The following KDELR1 variants were observed in gnomAD, a reference collection of about 807,000 sequenced individuals.
KDELR1 encodes KDEL endoplasmic reticulum protein retention receptor 1.
Under a neutral mutation model 25.5 loss-of-function variants are expected in KDELR1, and 16 were observed. The ratio of observed to expected loss-of-function variants is 0.63; its 90% CI spans 0.43 to 0.95. The LOEUF (loss-of-function observed/expected upper bound fraction) is 0.95, where lower values mean the gene tolerates loss of function less well. KDELR1 is among the 40% of genes least tolerant of loss of function. The pLI is 0.00. For missense variants in KDELR1, 159 were observed against 265.2 expected (o/e 0.60, Z 2.78); for synonymous variants, 121 against 115.0 (o/e 1.05, Z -0.33).
At position 48,384,542 on chromosome 19, in the gene KDELR1, G is replaced by A. The variant is rs1970480200; in HGVS notation, c.352-60C>T. On this transcript the variant is annotated intron_variant, in intron 3 of 4. Transcript: ENST00000330720. The surrounding 1 kb of genome is among the most constrained non-coding windows in gnomAD (Gnocchi z 4.6). ...GGGACAGGGCGGGAGAAAAGGCAGA[G>A]GACAACATTGCAGTTACAGGTGCCG... 2 of 1,563,324 alleles carry A rather than the reference G, an allele frequency of 1.3e-6. No individual in the cohort carries two copies. The highest frequency in any genetic ancestry group is 1.3e-5 in the African/African-American group (1 of 74,198).
intron 3 of KDELR1, among the ~76,000 whole-genome samples, chr19:48,385,084 G>A (rs1324501892): frequency 6.6e-6 from 1 of 151,988 alleles, no homozygotes; most frequent in Non-Finnish European, 1.5e-5. Context: ...ACAGGGTTTT[G>A]CCTTGTTGGC....
upstream of KDELR1, among the ~76,000 whole-genome samples, chr19:48,394,472 G>C (rs1395291633): frequency 6.7e-6 from 1 of 149,908 alleles, no homozygotes; most frequent in Admixed American, 6.7e-5. This position sits in a 1 kb window ranked among gnomAD's most constrained non-coding sequence, Gnocchi z 5.1. Flanking sequence ...GGGGGGCTGA[G>C]GGCACAAAGC....
At chr19:48,386,690 C>T (rs149888003) in intron 3 of KDELR1, among the ~76,000 whole-genome samples, 2,291 of 150,020 alleles carry the variant, frequency 0.015, 37 homozygotes, top group Middle Eastern at 0.059. Context: ...TCGTGATCCA[C>T]GATCCACCTG....
upstream of KDELR1, among the ~76,000 whole-genome samples, chr19:48,392,979 C>T (rs991231103): frequency 2.0e-5 from 3 of 152,202 alleles, no homozygotes; most frequent in East Asian, 1.9e-4. Flanking sequence ...GCTTCCCTTC[C>T]GGATGATGGG....
chr19:48,388,518 T>C (rs1970513172), intron 3 of KDELR1, among the ~76,000 whole-genome samples: 1 of 151,916 alleles, frequency 6.6e-6, no homozygotes, highest in Non-Finnish European at 1.5e-5. Context: ...AAACCCTGTC[T>C]CTACTAAAAA....
chr19:48,388,633 C>G lies in KDELR1; in HGVS notation c.351+920G>C, dbSNP rs181799197. On this transcript the variant is annotated intron_variant, in intron 3 of 4. Coordinates refer to ENST00000330720, the MANE Select transcript of KDELR1 (RefSeq NM_006801.3). The stretch of plus-strand genomic sequence containing the variant: ...CCTGGGAGGTGGAGGTTGCAGTGAG[C>G]CAGAATCATGCCACTGCCTCCAGTC... 6.2e-3 allele frequency among the ~76,000 whole-genome samples: 938 copies of G among 151,492 alleles called. 7 individuals are homozygous for G. Among genetic ancestry groups the G allele is most frequent in the Non-Finnish European group, 8.6e-3 (586 of 67,926 alleles).
chr19:48,394,454 G>C (rs1234872233), upstream of KDELR1, among the ~76,000 whole-genome samples: 3 of 150,082 alleles, frequency 2.0e-5, no homozygotes, highest in Admixed American at 6.6e-5. This position sits in a 1 kb window ranked among gnomAD's most constrained non-coding sequence, Gnocchi z 5.1. Flanking sequence ...ACGCTGGAAG[G>C]GGGGGTGGGG....
chr19:48,393,564 C>T (rs1428953376), upstream of KDELR1, among the ~76,000 whole-genome samples: 2 of 152,028 alleles, frequency 1.3e-5, no homozygotes, highest in Non-Finnish European at 2.9e-5. The surrounding 1 kb of genome is among the most constrained non-coding windows in gnomAD (Gnocchi z 5.6). Context: ...GGGTGGGGGG[C>T]GGCCCCCTCC....
chr19:48,391,307 A>G lies in KDELR1; in HGVS notation c.52T>C (p.Leu18=), dbSNP rs200962267. 16 of 1,559,588 alleles carry G rather than the reference A, an allele frequency of 1.0e-5. No individual in the cohort carries two copies. The East Asian group carries it at 3.6e-4, about 35-fold the overall frequency. Reference sequence around the variant, plus strand: ...GACTTCCAGATTTTGAGCAGTAGCAAGATGATGGCGAGGAGGTGGGAGAGG... The same window carrying G: ...GACTTCCAGATTTTGAGCAGTAGCAGGATGATGGCGAGGAGGTGGGAGAGG... ...GDLSHLLAII[L]LLLKIWKSRS... is the part of the protein sequence containing the mutation. The change falls in exon 1 of 5, where the codon TTG becomes CTG. Residue 18 remains leucine (L), a synonymous_variant. Coordinates refer to ENST00000330720, the MANE Select transcript of KDELR1 (RefSeq NM_006801.3).
rs1371801114 is a variant in KDELR1 at position 48,382,763 on chromosome 19, G to A, written c.*530C>T. On this transcript the variant is annotated 3_prime_UTR_variant, in exon 5 of 5. Transcript: ENST00000330720. ...AAACTCTGGGGAAAAAAATTACTAT[G>A]AAAAAAAATCAGGGGAGACCTTCCT... 6.6e-6 allele frequency: 1 copy of A among 152,602 alleles called. No individual in the cohort carries two copies. The highest frequency in any genetic ancestry group is 2.4e-5 in the African/African-American group (1 of 41,334). The allele number at this position is 152,602 out of a possible 1,614,324, so 9.5% of individuals were successfully genotyped here.
At chr19:48,387,128 G>C (rs531965766) in intron 3 of KDELR1, among the ~76,000 whole-genome samples, 1 of 148,054 alleles carries the variant, frequency 6.8e-6, no homozygotes, top group African/African-American at 2.5e-5. Context: ...TCAGCAAGCC[G>C]CACTACCTCC....
upstream of KDELR1, among the ~76,000 whole-genome samples, chr19:48,393,369 A>T (rs1012878154): frequency 1.3e-5 from 2 of 152,084 alleles, no homozygotes; most frequent in Non-Finnish European, 2.9e-5. This position sits in a 1 kb window ranked among gnomAD's most constrained non-coding sequence, Gnocchi z 5.6. Flanking sequence ...CTGTTTCCAG[A>T]GCCTCAAGGC....
At chr19:48,391,137 G>A (rs1030688276) in intron 1 of KDELR1, 131 bp downstream of exon 1, 1 of 782,188 alleles carries the variant, frequency 1.3e-6, no homozygotes, top group Middle Eastern at 3.2e-4. Flanking sequence ...GAACCTAGAA[G>A]AGAGATCCCC....
chr19:48,389,335 A>G (rs1201319300), intron 3 of KDELR1: 2 of 561,308 alleles, frequency 3.6e-6, no homozygotes, highest in African/African-American at 1.9e-5. Context: ...GAGAAAAGTA[A>G]GTAGGTGAAA....
chr19:48,382,611 T>G lies in KDELR1; in HGVS notation c.*682A>C, dbSNP rs1970464285. 6.5e-6 allele frequency: 1 copy of G among 152,760 alleles called. No homozygotes were observed. Among genetic ancestry groups the G allele is most frequent in the Non-Finnish European group, 1.5e-5 (1 of 68,236 alleles). 9.5% of individuals were successfully genotyped at this position (152,760 alleles called of 1,614,324 possible). ...TCTGTTTATTTCAAGAGAACAAAGA[T>G]TCAACCATCAGTTCTGTACAAAAAC... On this transcript the variant is annotated 3_prime_UTR_variant, in exon 5 of 5. Transcript: ENST00000330720.
At chr19:48,387,030 C>G (rs2147421000) in intron 3 of KDELR1, among the ~76,000 whole-genome samples, 1 of 147,990 alleles carries the variant, frequency 6.8e-6, no homozygotes, top group South Asian at 2.2e-4. Flanking sequence ...GAGATCGTGC[C>G]ACTGCACTCC....
At chr19:48,391,156 G>C in intron 1 of KDELR1, 112 bp downstream of exon 1, 5 of 878,370 alleles carry the variant, frequency 5.7e-6, no homozygotes, top group Non-Finnish European at 9.2e-6. Flanking sequence ...CCAGCAAGCA[G>C]TGGGGGTGGA....
At chr19:48,385,162 C>T (rs1267120072) in intron 3 of KDELR1, among the ~76,000 whole-genome samples, 2 of 152,206 alleles carry the variant, frequency 1.3e-5, no homozygotes, top group Non-Finnish European at 2.9e-5. Context: ...GCTGGGATTA[C>T]AGGCATGAGC....
At chr19:48,389,175 T>C (rs276704) in intron 3 of KDELR1, among the ~76,000 whole-genome samples, 35,005 of 151,840 alleles carry the variant, frequency 0.23, 5,301 homozygotes, top group African/African-American at 0.42. Flanking sequence ...GAGGCTGAGG[T>C]AGGATAATTG....
Sources: gnomAD v4.1 joint callset for allele counts (sites outside exome capture counted in the v4.1 genomes callset) on GRCh38, gnomAD v4.1.1 for gene constraint, Gnocchi (gnomAD v3.1) non-coding constraint, MANE v1.5 for transcripts, NCBI Gene and HGNC (gene_info 2026-07-23, HGNC 2026-07-21) for gene names.